The following NUS1 variants were observed in gnomAD, a reference collection of about 807,000 sequenced individuals.
NUS1 encodes dehydrodolichyl diphosphate synthase complex subunit NUS1.
For missense variants in NUS1, 292 were observed against 382.9 expected (o/e 0.76, Z 1.98); for synonymous variants, 135 against 155.2 (o/e 0.87, Z 0.97).
intron 3 of NUS1, among the ~76,000 whole-genome samples, chr6:117,694,450 A>G (rs1344034119): frequency 6.6e-6 from 1 of 151,984 alleles, no homozygotes; most frequent in Admixed American, 6.6e-5. Context: ...GTAGTGATGA[A>G]TATTCTTGAA....
intron 3 of NUS1, among the ~76,000 whole-genome samples, chr6:117,698,882 A>G (rs559712297): frequency 6.6e-6 from 1 of 152,264 alleles, no homozygotes; most frequent in East Asian, 1.9e-4. Flanking sequence ...TGAATATGAT[A>G]TATTGACAGT....
intron 1 of NUS1, among the ~76,000 whole-genome samples, chr6:117,690,084 T>C (rs933828583): frequency 1.3e-5 from 2 of 152,224 alleles, no homozygotes; most frequent in Admixed American, 6.5e-5. Flanking sequence ...TATCCTACAC[T>C]TCTGCATTAC....
chr6:117,676,283 T>A (rs572967266), intron 1 of NUS1, among the ~76,000 whole-genome samples, 198 bp downstream of exon 1: 1 of 152,150 alleles, frequency 6.6e-6, no homozygotes, highest in African/African-American at 2.4e-5. Context: ...TTTAACATTT[T>A]AAAAATATCC....
chr6:117,694,308 T>C (rs2114687639), intron 3 of NUS1, 128 bp downstream of exon 3: 1 of 462,304 alleles, frequency 2.2e-6, no homozygotes, highest in East Asian at 3.8e-5. Flanking sequence ...CTGATTCTTT[T>C]GTTGTTAATA....
chr6:117,698,751 T>A (rs1773356672), intron 3 of NUS1, among the ~76,000 whole-genome samples: 1 of 152,038 alleles, frequency 6.6e-6, no homozygotes, highest in Admixed American at 6.6e-5. Flanking sequence ...CACTGATAAA[T>A]GTTCATGAAG....
chr6:117,703,131 T>A (rs1773435188), intron 3 of NUS1, among the ~76,000 whole-genome samples: 1 of 152,184 alleles, frequency 6.6e-6, no homozygotes, highest in East Asian at 1.9e-4. Context: ...TTCATAGCTG[T>A]AAAATGAGGT....
intron 4 of NUS1, among the ~76,000 whole-genome samples, chr6:117,706,517 G>A (rs1227363303): frequency 6.6e-6 from 1 of 152,158 alleles, no homozygotes; most frequent in Non-Finnish European, 1.5e-5. Flanking sequence ...GGAAAAAGAG[G>A]CATATTAATT....
intron 3 of NUS1, among the ~76,000 whole-genome samples, chr6:117,696,521 A>G (rs1773322780): frequency 6.6e-6 from 1 of 152,110 alleles, no homozygotes; most frequent in Non-Finnish European, 1.5e-5. Context: ...CCTAAAAGCA[A>G]CAAGAGAAAA....
Position 117,706,871 on chromosome 6 carries a change from C to G in NUS1, c.792-54C>G, listed in dbSNP as rs918887469. On this transcript the variant is annotated intron_variant, in intron 4 of 4. Transcript: ENST00000368494. The stretch of plus-strand genomic sequence containing the variant: ...TTTGGTCCTTATCTTCTGGTTCCCC[C>G]CTACATTACAGTGTATATCTAATTG... 2.9e-6 allele frequency: 4 copies of G among 1,382,578 alleles called. No individual in the cohort carries two copies. The East Asian group carries it at 9.2e-5, about 32-fold the overall frequency. The allele number at this position is 1,382,578 out of a possible 1,614,324, so 85.6% of individuals were successfully genotyped here.
chr6:117,697,864 C>T (rs1773343847), intron 3 of NUS1, among the ~76,000 whole-genome samples: 1 of 152,086 alleles, frequency 6.6e-6, no homozygotes. Context: ...ATACATTCTC[C>T]TTGTCAGCAC....
At chr6:117,689,785 C>G (rs1773189571) in intron 1 of NUS1, among the ~76,000 whole-genome samples, 1 of 152,090 alleles carries the variant, frequency 6.6e-6, no homozygotes, top group African/African-American at 2.4e-5. Flanking sequence ...AGGCTAGCCT[C>G]TAGTTCCTGG....
At chr6:117,701,239 A>T (rs545756574) in intron 3 of NUS1, among the ~76,000 whole-genome samples, 3 of 140,676 alleles carry the variant, frequency 2.1e-5, no homozygotes, top group African/African-American at 7.5e-5. Flanking sequence ...TTTGGGTTCT[A>T]ATTTTCTTTT....
rs867358661 is a variant in NUS1, at chr6:117,675,632, G to A, written c.-39G>A. On this transcript the variant is annotated 5_prime_UTR_variant, in exon 1 of 5. Transcript: ENST00000368494. Reference sequence around the variant, plus strand: ...TAAAAAGCCGTCGCGCTGCGGGAGTGGGCGGGAGGGAGAGGGGGTGTCTGA... The same window carrying A: ...TAAAAAGCCGTCGCGCTGCGGGAGTAGGCGGGAGGGAGAGGGGGTGTCTGA... The A allele has an allele frequency of 1.4e-6, 2 of 1,398,618 alleles. No individual in the cohort carries two copies. Among genetic ancestry groups the A allele is most frequent in the Middle Eastern group, 2.5e-4 (1 of 4,028 alleles). The allele number at this position is 1,398,618 out of a possible 1,614,324, so 86.6% of individuals were successfully genotyped here. A position where few individuals can be genotyped will look rare whatever the true frequency, so the allele number is the denominator to read the frequency against.
At chr6:117,702,091 A>C (rs148007393) in intron 3 of NUS1, among the ~76,000 whole-genome samples, 2 of 152,212 alleles carry the variant, frequency 1.3e-5, no homozygotes, top group Non-Finnish European at 2.9e-5. Context: ...GTTATTTCCC[A>C]GTCGGCCATG....
chr6:117,706,908 C>G lies in NUS1; in HGVS notation c.792-17C>G. 6.2e-7 allele frequency: 1 copy of G among 1,604,940 alleles called. No homozygotes were observed. The highest frequency in any genetic ancestry group is 8.5e-7 in the Non-Finnish European group (1 of 1,172,116). ...TGTATATCTAATTGCTTTTCTCCCC[C>G]CGTGTTTTCTTTTCAGCTCTTTGCC... On this transcript the variant is annotated splice_polypyrimidine_tract_variant and intron_variant, in intron 4 of 4. Coordinates refer to ENST00000368494, the MANE Select transcript of NUS1 (RefSeq NM_138459.5).
intron 3 of NUS1, among the ~76,000 whole-genome samples, chr6:117,702,214 T>A (rs1428868286): frequency 6.6e-6 from 1 of 152,202 alleles, no homozygotes; most frequent in Admixed American, 6.5e-5. Flanking sequence ...GGTTTTCCTA[T>A]TTGTTCTCTT....
intron 1 of NUS1, among the ~76,000 whole-genome samples, chr6:117,692,191 A>G (rs1198676109): frequency 6.6e-6 from 1 of 152,094 alleles, no homozygotes; most frequent in Non-Finnish European, 1.5e-5. Context: ...TTTATTATAT[A>G]TATGTGTATA....
intron 1 of NUS1, among the ~76,000 whole-genome samples, chr6:117,692,090 G>A (rs905555696): frequency 6.6e-6 from 1 of 152,108 alleles, no homozygotes; most frequent in Non-Finnish European, 1.5e-5. Context: ...GGTGAGGAAA[G>A]AAATTGAATC....
intron 1 of NUS1, among the ~76,000 whole-genome samples, chr6:117,686,743 T>G (rs1773145025): frequency 6.6e-6 from 1 of 152,180 alleles, no homozygotes; most frequent in Admixed American, 6.5e-5. Flanking sequence ...TGAATTATAA[T>G]ATGAGAAAAA....
Sources: allele counts gnomAD v4.1 joint callset (sites outside exome capture counted in the v4.1 genomes callset), GRCh38; gene constraint gnomAD v4.1.1; transcripts MANE v1.5; gene names NCBI Gene and HGNC (gene_info 2026-07-23, HGNC 2026-07-21).